Variants in UMAD1 observed in about 807,000 individuals in gnomAD.
UMAD1 encodes UBAP1-MVB12-associated (UMA) domain containing 1.
UMAD1 carries 8 observed loss-of-function variants against 6.1 expected under a neutral mutation model. That is an observed-to-expected ratio of 1.30 (90% CI 0.76 to 2.35). The LOEUF (loss-of-function observed/expected upper bound fraction) is 2.35. UMAD1 is among the 30% of genes most tolerant of loss of function. The probability of loss-of-function intolerance (pLI) is 0.00; values close to 1 mark genes in which losing one functional copy is unlikely to be tolerated. For missense variants in UMAD1, 130 were observed against 78.4 expected (o/e 1.66, Z -2.49); for synonymous variants, 56 against 31.4 (o/e 1.78, Z -2.61).
At chr7:7,683,668 G>A (rs1462310790) in intron 2 of UMAD1, among the ~76,000 whole-genome samples, 2 of 151,560 alleles carry the variant, frequency 1.3e-5, no homozygotes, top group African/African-American at 4.8e-5. Context: ...TGTTGCCCAG[G>A]CTGGAGTGCA....
intron 3 of UMAD1, among the ~76,000 whole-genome samples, chr7:7,870,035 T>A (rs1784306528): frequency 6.6e-6 from 1 of 152,246 alleles, no homozygotes; most frequent in Non-Finnish European, 1.5e-5. Flanking sequence ...GAACAGTGCC[T>A]GTAAACCTCT....
chr7:7,815,353 T>A (rs1783105932), intron 3 of UMAD1, among the ~76,000 whole-genome samples: 1 of 152,192 alleles, frequency 6.6e-6, no homozygotes, highest in African/African-American at 2.4e-5. Flanking sequence ...TTAGTTTCTT[T>A]TTAGATTGGA....
chr7:7,870,800 C>T (rs1784318899), intron 3 of UMAD1, among the ~76,000 whole-genome samples: 1 of 152,186 alleles, frequency 6.6e-6, no homozygotes, highest in Admixed American at 6.5e-5. Flanking sequence ...CAGGCAGCCT[C>T]CTTGGAGACT....
At chr7:7,779,281 A>G (rs546993224) in intron 2 of UMAD1, among the ~76,000 whole-genome samples, 7 of 109,748 alleles carry the variant, frequency 6.4e-5, no homozygotes, top group African/African-American at 2.2e-4. Flanking sequence ...AGGAAGAAAA[A>G]TCTTTTTTTT....
intron 1 of UMAD1, among the ~76,000 whole-genome samples, chr7:7,653,007 T>C (rs1010968562): frequency 2.6e-5 from 4 of 152,254 alleles, no homozygotes; most frequent in African/African-American, 9.6e-5. Flanking sequence ...CCCAGTGCTC[T>C]AGAGAGTTGT....
At chr7:7,733,803 T>C (rs1764194737) in intron 2 of UMAD1, among the ~76,000 whole-genome samples, 1 of 151,848 alleles carries the variant, frequency 6.6e-6, no homozygotes, top group African/African-American at 2.4e-5. Flanking sequence ...CTATCTTGAA[T>C]CTAGATAGCA....
intron 1 of UMAD1, among the ~76,000 whole-genome samples, chr7:7,662,374 C>G (rs1349383776): frequency 1.3e-5 from 2 of 152,130 alleles, no homozygotes; most frequent in African/African-American, 4.8e-5. Context: ...AGAAAACACT[C>G]CTGCAGCTAG....
At chr7:7,871,908 C>T (rs143893773) in intron 3 of UMAD1, among the ~76,000 whole-genome samples, 1 of 151,304 alleles carries the variant, frequency 6.6e-6, no homozygotes, top group Non-Finnish European at 1.5e-5. Flanking sequence ...GAGAGTTAAG[C>T]CTTAGGCACT....
intron 3 of UMAD1, among the ~76,000 whole-genome samples, chr7:7,853,102 T>C (rs560121672): frequency 6.6e-6 from 1 of 152,216 alleles, no homozygotes; most frequent in African/African-American, 2.4e-5. Flanking sequence ...GCTGTGGGAG[T>C]TATGAGCCAG....
chr7:7,668,757 A>C lies in UMAD1; in HGVS notation c.-63-4552A>C, dbSNP rs540572146. Among the ~76,000 whole-genome samples, 5 of 152,340 alleles carry C rather than the reference A, an allele frequency of 3.3e-5. No homozygotes were observed. The South Asian group carries it at 8.3e-4, about 25-fold the overall frequency. ...ATGAATGTTAGTGATACATACATTTAAGAAATATTAATAAAACAAGTAAGA... is the reference window on the plus strand; with the variant it reads ...ATGAATGTTAGTGATACATACATTTCAGAAATATTAATAAAACAAGTAAGA... On this transcript the variant is annotated intron_variant, in intron 1 of 3. Transcript: ENST00000682710.
chr7:7,785,841 G>A (rs2115258478), intron 2 of UMAD1, among the ~76,000 whole-genome samples: 1 of 152,140 alleles, frequency 6.6e-6, no homozygotes, highest in Non-Finnish European at 1.5e-5. Context: ...GGTGAAAGGG[G>A]TAAAGGATTA....
intron 2 of UMAD1, among the ~76,000 whole-genome samples, chr7:7,696,018 AT>A (rs1228974160): frequency 7.1e-6 from 1 of 141,496 alleles, no homozygotes; most frequent in Non-Finnish European, 1.5e-5. Flanking sequence ...TACCAGTGTA[AT>A]TTTTTTTTGA....
At chr7:7,801,480 T>C (rs888118043) in intron 2 of UMAD1, among the ~76,000 whole-genome samples, 190 bp from the exon 3 acceptor site, 2 of 152,230 alleles carry the variant, frequency 1.3e-5, no homozygotes, top group Non-Finnish European at 2.9e-5. Flanking sequence ...TATTTATGAA[T>C]GATATATGAG....
chr7:7,778,198 C>T (rs373380957), intron 2 of UMAD1, among the ~76,000 whole-genome samples: 1 of 149,308 alleles, frequency 6.7e-6, no homozygotes, highest in Non-Finnish European at 1.5e-5. Flanking sequence ...GCCAACCAGC[C>T]GTCATCTTGG....
At chr7:7,646,798 C>G (rs146077277) in intron 1 of UMAD1, among the ~76,000 whole-genome samples, 1 of 152,134 alleles carries the variant, frequency 6.6e-6, no homozygotes, top group Admixed American at 6.5e-5. Context: ...TTCCTCTCTT[C>G]TCTCCTCTGC....
intron 2 of UMAD1, among the ~76,000 whole-genome samples, chr7:7,754,855 G>C (rs1307348174): frequency 6.6e-6 from 1 of 152,104 alleles, no homozygotes; most frequent in Non-Finnish European, 1.5e-5. Flanking sequence ...CCACAAACGA[G>C]ATCATACTCT....
chr7:7,868,029 G>C (rs540768994), intron 3 of UMAD1, among the ~76,000 whole-genome samples: 112 of 152,194 alleles, frequency 7.4e-4, no homozygotes, highest in African/African-American at 2.6e-3. Flanking sequence ...CCACCTGCCA[G>C]CAGCGAGGAG....
rs1204278801 is a variant in UMAD1 at position 7,830,260 on chromosome 7, T to A, written c.156+28517T>A. ...AACATGCGTTGTAATCACACGGCTCTCTGTCTGCTTGCTAAAGATTGAGTG... is the reference window on the plus strand; with the variant it reads ...AACATGCGTTGTAATCACACGGCTCACTGTCTGCTTGCTAAAGATTGAGTG... On this transcript the variant is annotated intron_variant, in intron 3 of 3. Transcript: ENST00000682710. This position sits in a 1 kb window ranked among gnomAD's most constrained non-coding sequence, Gnocchi z 5.3. Among the ~76,000 whole-genome samples the A allele has an allele frequency of 6.6e-6, 1 of 152,106 alleles. No individual in the cohort carries two copies. Among genetic ancestry groups the A allele is most frequent in the African/African-American group, 2.4e-5 (1 of 41,416 alleles).
intron 2 of UMAD1, among the ~76,000 whole-genome samples, chr7:7,793,102 C>T (rs7785423): frequency 0.92 from 140,878 of 152,312 alleles, 65,234 homozygotes; most frequent in East Asian, 0.97. Flanking sequence ...AATTGCTACA[C>T]GCAAAGACAG....
Sources: gnomAD v4.1 joint callset for allele counts (sites outside exome capture counted in the v4.1 genomes callset) on GRCh38, gnomAD v4.1.1 for gene constraint, Gnocchi (gnomAD v3.1) non-coding constraint, MANE v1.5 for transcripts, NCBI Gene and HGNC (gene_info 2026-07-23, HGNC 2026-07-21) for gene names.